The following PDE11A variants were observed in gnomAD, a reference collection of about 807,000 sequenced individuals.
PDE11A encodes the protein dual 3',5'-cyclic-AMP and -GMP phosphodiesterase 11A.
A neutral mutation model predicts 100.5 loss-of-function variants in PDE11A; 100 were observed. That is an observed-to-expected ratio of 1.00 (90% CI 0.85 to 1.18). PDE11A has a LOEUF of 1.18. Among genes scored for constraint, PDE11A ranks in the 50% most tolerant of loss-of-function variants. The probability of loss-of-function intolerance (pLI) is 0.00; values close to 1 mark genes in which losing one functional copy is unlikely to be tolerated. For missense variants in PDE11A, 1,141 were observed against 1,152.6 expected, an observed-to-expected ratio of 0.99 and a Z score of 0.15; for synonymous variants, 381 against 420.8, an observed-to-expected ratio of 0.91 and a Z score of 1.16.
chr2:178,084,995 C>T (rs1158922647), intron 2 of PDE11A, among the ~76,000 whole-genome samples: 1 of 152,134 alleles, frequency 6.6e-6, no homozygotes, highest in African/African-American at 2.4e-5. Context: ...TTCCTTATGC[C>T]ACACAAGTGG....
chr2:177,739,804 T>C (rs1299189760), intron 10 of PDE11A, among the ~76,000 whole-genome samples: 1 of 152,220 alleles, frequency 6.6e-6, no homozygotes, highest in African/African-American at 2.4e-5. Context: ...TAAATATTTA[T>C]ATTGGTTTTT....
At chr2:177,804,056 A>G (rs1370640769) in intron 9 of PDE11A, among the ~76,000 whole-genome samples, 1 of 152,064 alleles carries the variant, frequency 6.6e-6, no homozygotes, top group East Asian at 1.9e-4. Context: ...GGCCTAGGCA[A>G]AGAATTTATG....
intron 10 of PDE11A, among the ~76,000 whole-genome samples, chr2:177,765,609 G>A (rs2082228551): frequency 6.6e-6 from 1 of 152,208 alleles, no homozygotes; most frequent in South Asian, 2.1e-4. Context: ...GCTGCCTTCT[G>A]TTAGCACACT....
At chr2:177,923,942 T>G (rs1303693287) in intron 2 of PDE11A, among the ~76,000 whole-genome samples, 1 of 152,140 alleles carries the variant, frequency 6.6e-6, no homozygotes, top group Admixed American at 6.6e-5. Context: ...AAGAATCAAT[T>G]AATAAATAAC....
upstream of PDE11A, among the ~76,000 whole-genome samples, chr2:178,077,349 T>C (rs1276508520): frequency 6.8e-6 from 1 of 147,442 alleles, no homozygotes; most frequent in Non-Finnish European, 1.5e-5. Flanking sequence ...GCCCCATTTC[T>C]AACTACTGCA....
chr2:177,890,832 A>T (rs1157239827), intron 4 of PDE11A, among the ~76,000 whole-genome samples: 1 of 152,208 alleles, frequency 6.6e-6, no homozygotes, highest in Non-Finnish European at 1.5e-5. Context: ...TCAATTTAAT[A>T]GTTGTGAAAA....
intron 9 of PDE11A, among the ~76,000 whole-genome samples, chr2:177,801,999 A>G (rs1209396547): frequency 2.1e-5 from 1 of 48,558 alleles, no homozygotes; most frequent in Non-Finnish European, 4.5e-5. Context: ...ATGTATAAAG[A>G]ACTCTTCCAG....
chr2:177,928,876 T>A (rs548253066), intron 2 of PDE11A, among the ~76,000 whole-genome samples: 1 of 151,752 alleles, frequency 6.6e-6, no homozygotes, highest in African/African-American at 2.4e-5. Flanking sequence ...AAAAAATAAA[T>A]ACATAAAAAT....
At chr2:177,731,592 A>T (rs2081691599) in intron 10 of PDE11A, among the ~76,000 whole-genome samples, 1 of 152,130 alleles carries the variant, frequency 6.6e-6, no homozygotes, top group Non-Finnish European at 1.5e-5. Flanking sequence ...AAGACCCAAG[A>T]TTATACTCTC....
At chr2:177,666,718 G>C (rs371912866) in intron 18 of PDE11A, among the ~76,000 whole-genome samples, 35 of 121,420 alleles carry the variant, frequency 2.9e-4, no homozygotes, top group African/African-American at 9.7e-4. Context: ...TGTCTGTTCA[G>C]ATCCTTTGCC....
chr2:178,057,029 AAC>A (rs2086908320), intron 1 of PDE11A, among the ~76,000 whole-genome samples: 1 of 152,146 alleles, frequency 6.6e-6, no homozygotes, highest in Non-Finnish European at 1.5e-5. Flanking sequence ...GAGGAGAGGA[AAC>A]ACAGAAAGAC....
intron 18 of PDE11A, among the ~76,000 whole-genome samples, chr2:177,667,304 C>A (rs547748877): frequency 6.6e-6 from 1 of 152,260 alleles, no homozygotes; most frequent in South Asian, 2.1e-4. Flanking sequence ...CTTTTGGTTT[C>A]ATATTTAAGA....
intron 6 of PDE11A, among the ~76,000 whole-genome samples, chr2:177,829,288 T>C (rs1035377236): frequency 6.6e-6 from 1 of 152,128 alleles, no homozygotes; most frequent in African/African-American, 2.4e-5. Flanking sequence ...TATACCCACA[T>C]ATATTATTCT....
intron 9 of PDE11A, among the ~76,000 whole-genome samples, chr2:177,814,019 G>C (rs1413005869): frequency 7.2e-5 from 11 of 152,092 alleles, no homozygotes; most frequent in Non-Finnish European, 1.5e-4. Flanking sequence ...CAGTGGAAAA[G>C]GGGAAAGCAC....
At position 177,993,209 on chromosome 2, in the gene PDE11A, T is replaced by C. The variant is rs913747455; in HGVS notation, c.1071+21093A>G. Among the ~76,000 whole-genome samples the C allele has an allele frequency of 1.4e-4, 22 of 152,208 alleles. 1 individual carries two copies. Among genetic ancestry groups the C allele is most frequent in the Admixed American group, 1.4e-3 (21 of 15,290 alleles). Reference sequence around the variant, plus strand: ...AGCCAAACATCTGCGTGGTAGAGAGTAGGGCTAGGGGACAGTGGCATTTGA... The same window carrying C: ...AGCCAAACATCTGCGTGGTAGAGAGCAGGGCTAGGGGACAGTGGCATTTGA... On this transcript the variant is annotated intron_variant, in intron 2 of 19. Coordinates refer to ENST00000286063, the MANE Select transcript of PDE11A (RefSeq NM_016953.4).
At chr2:178,053,125 G>C (rs1417173824) in intron 1 of PDE11A, among the ~76,000 whole-genome samples, 1 of 152,120 alleles carries the variant, frequency 6.6e-6, no homozygotes, top group East Asian at 1.9e-4. Flanking sequence ...ATAAAATACT[G>C]GCAAACTGAA....
intron 1 of PDE11A, among the ~76,000 whole-genome samples, chr2:178,052,122 T>C (rs1225098309): frequency 6.6e-6 from 1 of 152,102 alleles, no homozygotes; most frequent in Non-Finnish European, 1.5e-5. Flanking sequence ...AGTACAGCAC[T>C]CCTCAGCAAA....
At chr2:178,036,298 C>T (rs1233769261) in intron 1 of PDE11A, among the ~76,000 whole-genome samples, 2 of 152,070 alleles carry the variant, frequency 1.3e-5, no homozygotes, top group Non-Finnish European at 2.9e-5. Context: ...AATAAAATAC[C>T]TAGGAATACA....
intron 19 of PDE11A, among the ~76,000 whole-genome samples, chr2:177,655,556 A>AG (rs139549524): frequency 0.035 from 5,377 of 152,074 alleles, 308 homozygotes; most frequent in African/African-American, 0.12. Context: ...TTTTTTTTAA[A>AG]GAGATGGGGT....
Sources: gnomAD v4.1 joint callset for allele counts (sites outside exome capture counted in the v4.1 genomes callset) on GRCh38, gnomAD v4.1.1 for gene constraint, MANE v1.5 for transcripts, NCBI Gene and HGNC (gene_info 2026-07-23, HGNC 2026-07-21) for gene names.